The following SENP5 variants were observed in gnomAD, a reference collection of about 807,000 sequenced individuals.
SENP5 encodes the protein sentrin-specific protease 5.
SENP5 carries 21 observed loss-of-function variants against 74.2 expected under a neutral mutation model. That is an observed-to-expected ratio of 0.28 (90% CI 0.20 to 0.41). The LOEUF (loss-of-function observed/expected upper bound fraction) is 0.41. SENP5 is among the 10% of genes least tolerant of loss of function. The pLI, the probability that SENP5 is intolerant of heterozygous loss-of-function variation, is 1.00. For synonymous variants in SENP5, 311 were observed against 312.7 expected (o/e 0.99, Z 0.06); for missense variants, 717 against 889.1 (o/e 0.81, Z 2.46).
chr3:196,905,588 A>G (rs1026448809), intron 6 of SENP5, among the ~76,000 whole-genome samples: 3 of 152,160 alleles, frequency 2.0e-5, no homozygotes, highest in Admixed American at 1.3e-4. Flanking sequence ...GCAGTTTATT[A>G]TATAGGATAT....
intron 9 of SENP5, among the ~76,000 whole-genome samples, chr3:196,930,078 C>G (rs531937775): frequency 6.6e-6 from 1 of 151,918 alleles, no homozygotes; most frequent in Non-Finnish European, 1.5e-5. Context: ...GAGAAACTGC[C>G]ATCTTGTGCT....
Position 196,886,028 on chromosome 3 carries a change from G to C in SENP5, c.847G>C (p.Gly283Arg). ...CCATCAAGAGACCCGTAGGGAGAAC[G>C]GTGAGGGTGGCAGTTGCAGCCCATT... ...GDHQETRREN[G>R]EGGSCSPFPS... The change falls in exon 2 of 10, where the codon GGT becomes CGT. Residue 283 changes from glycine to arginine, a missense_variant. By Grantham distance (125) the Gly-to-Arg change is moderately radical (BLOSUM62 -2). This residue lies in a region of SENP5 where 567 missense variants were observed against 577.4 expected (regional missense o/e 0.98). Coordinates refer to ENST00000323460, the MANE Select transcript of SENP5 (RefSeq NM_152699.5). 1 of 1,614,184 alleles carries C rather than the reference G, an allele frequency of 6.2e-7. No individual in the cohort carries two copies. Among genetic ancestry groups the C allele is most frequent in the Non-Finnish European group, 8.5e-7 (1 of 1,180,020 alleles).
intron 1 of SENP5, among the ~76,000 whole-genome samples, chr3:196,874,142 T>A (rs1156539916): frequency 6.8e-6 from 1 of 147,758 alleles, no homozygotes; most frequent in African/African-American, 2.6e-5. Context: ...TGAGACCTTT[T>A]TTTTTTAAAA....
At chr3:196,898,845 A>C (rs1714568865) in intron 2 of SENP5, among the ~76,000 whole-genome samples, 2 of 152,016 alleles carry the variant, frequency 1.3e-5, no homozygotes, top group Admixed American at 6.6e-5. Context: ...TCATTCGATG[A>C]CGATTCCATT....
In SENP5 at chr3:196,886,531, G is replaced by C. The variant is rs1378649572; in HGVS notation, c.1350G>C (p.Gln450His). The change falls in exon 2 of 10, where the codon CAG (glutamine) becomes CAC (histidine). Residue 450 changes from glutamine to histidine, a missense_variant. Transcript: ENST00000323460. ...YQMEEDGSLK[Q>H]SILSSELLDH... ...TGGAGGAGGATGGATCTCTCAAGCA[G>C]AGCATTCTTAGTTCTGAGTTGCTGG... The C allele has an allele frequency of 6.2e-7, 1 of 1,613,880 alleles. No individual in the cohort carries two copies. Among genetic ancestry groups the C allele is most frequent in the South Asian group, 1.1e-5 (1 of 91,014 alleles).
At chr3:196,920,925 CTCTT>C (rs1255382540) in intron 6 of SENP5, among the ~76,000 whole-genome samples, 2 of 152,292 alleles carry the variant, frequency 1.3e-5, no homozygotes, top group East Asian at 1.9e-4. Flanking sequence ...CTACACTTCT[CTCTT>C]TGGGAGGGCA....
chr3:196,930,089 G>T (rs1328199066), intron 9 of SENP5, among the ~76,000 whole-genome samples: 1 of 151,896 alleles, frequency 6.6e-6, no homozygotes, highest in South Asian at 2.1e-4. Context: ...ATCTTGTGCT[G>T]TAGATCTCCT....
At chr3:196,905,262 T>G (rs1241209702) in intron 6 of SENP5, 2 of 152,214 alleles carry the variant, frequency 1.3e-5, no homozygotes, top group African/African-American at 4.8e-5. Flanking sequence ...TCCTTTGCTG[T>G]CACACCACAA....
chr3:196,868,356 C>T (rs995985037), intron 1 of SENP5, among the ~76,000 whole-genome samples: 3 of 152,256 alleles, frequency 2.0e-5, no homozygotes, highest in African/African-American at 4.8e-5. Flanking sequence ...CCTCCTGAAG[C>T]CGGGAAAGCT....
chr3:196,916,275 C>T (rs985192700), intron 6 of SENP5, among the ~76,000 whole-genome samples: 1 of 151,758 alleles, frequency 6.6e-6, no homozygotes, highest in Non-Finnish European at 1.5e-5. Flanking sequence ...TGCAGTGAGC[C>T]GAGATCATGC....
At position 196,900,029 on chromosome 3, in the gene SENP5, G is replaced by T; in HGVS notation, c.1725G>T (p.Ala575=). 2 of 1,614,040 alleles carry T rather than the reference G, an allele frequency of 1.2e-6. No individual in the cohort carries two copies. The highest frequency in any genetic ancestry group is 1.7e-6 in the Non-Finnish European group (2 of 1,179,994). The change falls in exon 4 of 10, where the codon GCG becomes GCT. Residue 575 remains alanine, a synonymous_variant. Coordinates refer to ENST00000323460, the MANE Select transcript of SENP5 (RefSeq NM_152699.5). ...ACATGCTGGATATGGACGACCTGGCGACTCTGGATGGTCAGAACTGGCTGA... is the reference window on the plus strand; with the variant it reads ...ACATGCTGGATATGGACGACCTGGCTACTCTGGATGGTCAGAACTGGCTGA... ...NKHMLDMDDL[A]TLDGQNWLND...
At chr3:196,901,137 C>T (rs1308686352) in intron 5 of SENP5, among the ~76,000 whole-genome samples, 1 of 150,990 alleles carries the variant, frequency 6.6e-6, no homozygotes, top group Non-Finnish European at 1.5e-5. Flanking sequence ...CCTCCACCTC[C>T]TGGGTTCAAG....
chr3:196,910,595 C>T (rs1715084632), intron 6 of SENP5, among the ~76,000 whole-genome samples: 1 of 151,918 alleles, frequency 6.6e-6, no homozygotes, highest in South Asian at 2.1e-4. Flanking sequence ...ATCCGCCTGC[C>T]TCGGCCTTCC....
In SENP5 at chr3:196,885,781, C is replaced by G; in HGVS notation, c.600C>G (p.Cys200Trp). 2 of 1,614,178 alleles carry G rather than the reference C, an allele frequency of 1.2e-6. No individual in the cohort carries two copies. The highest frequency in any genetic ancestry group is 2.2e-5 in the South Asian group (2 of 91,086). The change falls in exon 2 of 10, where the codon TGC (cysteine) becomes TGG (tryptophan). Residue 200 changes from cysteine (C) to tryptophan (W), a missense_variant. Physicochemically the swap from Cys to Trp is radical, Grantham distance 215 (BLOSUM62 -2). Coordinates refer to ENST00000323460, the MANE Select transcript of SENP5 (RefSeq NM_152699.5). ...HKRKGFCYGC[C>W]QGPEHHRNGG... ...GAAAGGGCTTTTGTTACGGCTGCTGCCAAGGGCCGGAGCACCACAGGAATG... is the reference window on the plus strand; with the variant it reads ...GAAAGGGCTTTTGTTACGGCTGCTGGCAAGGGCCGGAGCACCACAGGAATG...
intron 8 of SENP5, chr3:196,929,291 C>G (rs1473414114): frequency 8.7e-6 from 2 of 229,078 alleles, no homozygotes; most frequent in South Asian, 6.5e-5. Context: ...GAGGCTGGGC[C>G]TTTGTTCTCC....
At chr3:196,922,081 A>T (rs979990498) in intron 6 of SENP5, among the ~76,000 whole-genome samples, 2 of 152,224 alleles carry the variant, frequency 1.3e-5, no homozygotes, top group Non-Finnish European at 2.9e-5. Flanking sequence ...AGGTATTATC[A>T]AAGATGTTTT....
intron 6 of SENP5, chr3:196,912,746 T>A (rs933031121): frequency 6.6e-6 from 1 of 152,058 alleles, no homozygotes; most frequent in African/African-American, 2.4e-5. Flanking sequence ...TGGTGGTGTG[T>A]GCCTGTAGTC....
intron 8 of SENP5, among the ~76,000 whole-genome samples, chr3:196,928,084 C>T (rs2108867583): frequency 6.6e-6 from 1 of 152,290 alleles, no homozygotes; most frequent in South Asian, 2.1e-4. Flanking sequence ...CAAATCACTT[C>T]AGTCATTTCC....
chr3:196,899,989 T>C lies in SENP5; in HGVS notation c.1685T>C (p.Ile562Thr). 9 of 1,614,142 alleles carry C rather than the reference T, an allele frequency of 5.6e-6. No individual in the cohort carries two copies. Among genetic ancestry groups the C allele is most frequent in the Non-Finnish European group, 6.8e-6 (8 of 1,180,012 alleles). Residue 562 changes from isoleucine (I) to threonine (T), a missense_variant, in exon 4 of 10, where the codon ATC becomes ACC. By Grantham distance (89) the Ile-to-Thr change is moderately conservative. This residue lies in a region of SENP5 where 64 missense variants were observed against 100.8 expected (regional missense o/e 0.64). Coordinates refer to ENST00000323460, the MANE Select transcript of SENP5 (RefSeq NM_152699.5). The stretch of plus-strand genomic sequence containing the variant: ...AGACATCAAAAATGTAACTTCCGTA[T>C]CTTCTATAATAAACACATGCTGGAT... ...RARHQKCNFR[I>T]FYNKHMLDMD...
Sources: allele counts gnomAD v4.1 joint callset (sites outside exome capture counted in the v4.1 genomes callset), GRCh38; gene constraint gnomAD v4.1.1; regional missense constraint gnomAD v4.1.1; transcripts MANE v1.5; gene names NCBI Gene and HGNC (gene_info 2026-07-23, HGNC 2026-07-21).